The following SMG6 variants were observed in gnomAD, a reference collection of about 807,000 sequenced individuals.
The protein encoded by SMG6 is SMG6 nonsense mediated mRNA decay factor.
In SMG6, 66 loss-of-function variants were observed where a neutral mutation model predicts 142.2. The ratio of observed to expected loss-of-function variants is 0.46; its 90% CI spans 0.38 to 0.57. The LOEUF (loss-of-function observed/expected upper bound fraction) is 0.57, where lower values mean the gene tolerates loss of function less well. Ranked by LOEUF, SMG6 falls within the 20% of genes least tolerant of loss-of-function variation. SMG6 has a pLI of 0.00. For synonymous variants in SMG6, 779 were observed against 702.4 expected (o/e 1.11, Z -1.72); for missense variants, 1,793 against 1,832.0 (o/e 0.98, Z 0.39).
chr17:2,255,186 C>T (rs1444700502), intron 8 of SMG6, among the ~76,000 whole-genome samples: 1 of 151,518 alleles, frequency 6.6e-6, no homozygotes, highest in African/African-American at 2.4e-5. Context: ...GGGCGGATCA[C>T]GAGGTCAGGA....
Position 2,221,468 on chromosome 17 carries a change from A to G in SMG6, c.2869+15024T>C, listed in dbSNP as rs538696360. On this transcript the variant is annotated intron_variant, in intron 10 of 18. Transcript: ENST00000263073. ...TGTTTCCTGTACAGCCTGTGGAACT[A>G]TGAGCCAATTAAACTTCTTTTCTTT... Among the ~76,000 whole-genome samples, 8 of 152,298 alleles carry G rather than the reference A, an allele frequency of 5.3e-5. No individual in the cohort carries two copies. The South Asian group carries it at 1.7e-3, about 32-fold the overall frequency.
intron 10 of SMG6, among the ~76,000 whole-genome samples, chr17:2,196,885 G>A (rs571909591): frequency 1.3e-5 from 2 of 152,140 alleles, no homozygotes; most frequent in South Asian, 4.1e-4. Flanking sequence ...ATTAAAAGGA[G>A]GAATATCTTT....
chr17:2,063,238 T>C lies in SMG6; in HGVS notation c.4130-1616A>G, dbSNP rs937488890. The C allele has an allele frequency of 7.2e-5, 11 of 152,378 alleles. No homozygotes were observed. In the East Asian group the frequency reaches 9.6e-4, roughly 13 times the overall value. 9.4% of individuals were successfully genotyped at this position (152,378 alleles called of 1,614,324 possible). On this transcript the variant is annotated intron_variant, in intron 18 of 18. Transcript: ENST00000263073. ...TTTTTCACAATAAACATCCTCTGTT[T>C]TGACACTGGTAACTTCACTTTGTTA...
At chr17:2,283,573 C>T in intron 7 of SMG6, 52 bp downstream of exon 7, 1 of 1,436,642 alleles carries the variant, frequency 7.0e-7, no homozygotes, top group Non-Finnish European at 9.8e-7. Flanking sequence ...CACCAACACT[C>T]AGGGAAATGC....
At chr17:2,285,472 C>A (rs1176780463) in intron 6 of SMG6, among the ~76,000 whole-genome samples, 1 of 152,132 alleles carries the variant, frequency 6.6e-6, no homozygotes, top group Non-Finnish European at 1.5e-5. Context: ...TTGCAACATA[C>A]AAGATCAACA....
intron 13 of SMG6, among the ~76,000 whole-genome samples, chr17:2,163,560 C>A (rs1284827387): frequency 6.6e-6 from 1 of 152,130 alleles, no homozygotes; most frequent in Non-Finnish European, 1.5e-5. Flanking sequence ...AGCAACTTTG[C>A]TACATTTACT....
chr17:2,283,510 A>G (rs1321373352), intron 7 of SMG6, 115 bp downstream of exon 7: 1 of 798,806 alleles, frequency 1.3e-6, no homozygotes, highest in East Asian at 2.5e-5. Context: ...CAATAACTGC[A>G]CCTTGGATAA....
Position 2,117,730 on chromosome 17 carries a change from A to G in SMG6, c.3358-31829T>C, listed in dbSNP as rs575615075. 13 of 152,324 alleles carry G rather than the reference A, an allele frequency of 8.5e-5. No homozygotes were observed. The East Asian group carries it at 1.7e-3, about 20-fold the overall frequency. The allele number at this position is 152,324 out of a possible 1,614,324, so 9.4% of individuals were successfully genotyped here. A position where few individuals can be genotyped will look rare whatever the true frequency, so the allele number is the denominator to read the frequency against. ...TGATACGTAAATTAAACTTACTCCCATAAGGATTCTAGCGTTTGTCGTAAG... is the reference window on the plus strand; with the variant it reads ...TGATACGTAAATTAAACTTACTCCCGTAAGGATTCTAGCGTTTGTCGTAAG... On this transcript the variant is annotated intron_variant, in intron 13 of 18. Coordinates refer to ENST00000263073, the MANE Select transcript of SMG6 (RefSeq NM_017575.5).
At chr17:2,131,545 A>C (rs116785708) in intron 13 of SMG6, among the ~76,000 whole-genome samples, 1,555 of 152,098 alleles carry the variant, frequency 0.01, 31 homozygotes, top group African/African-American at 0.034. Flanking sequence ...TGATCTGCTC[A>C]CCTCGGTCTC....
chr17:2,185,687 G>C (rs1438850670), intron 12 of SMG6, among the ~76,000 whole-genome samples: 1 of 151,974 alleles, frequency 6.6e-6, no homozygotes, highest in Non-Finnish European at 1.5e-5. Flanking sequence ...ATGGTGAGAA[G>C]ACAGGGGATG....
In SMG6 at chr17:2,129,003, G is replaced by A. The variant is rs188643453; in HGVS notation, c.3358-43102C>T. Among the ~76,000 whole-genome samples the A allele has an allele frequency of 2.6e-5, 4 of 152,258 alleles. No individual in the cohort carries two copies. The East Asian group carries it at 7.7e-4, about 29-fold the overall frequency. On this transcript the variant is annotated intron_variant, in intron 13 of 18. Transcript: ENST00000263073. ...CAAGAATATGCTCATTTTGAAGTTT[G>A]GGAGAGTACACTGGACTATTTTAGG...
intron 8 of SMG6, among the ~76,000 whole-genome samples, chr17:2,270,907 T>C (rs1201804620): frequency 6.6e-6 from 1 of 152,230 alleles, no homozygotes; most frequent in Non-Finnish European, 1.5e-5. Context: ...TAACATTTCT[T>C]GAACTCTCTA....
chr17:2,302,125 G>C (rs1434877003), intron 1 of SMG6, among the ~76,000 whole-genome samples: 1 of 151,932 alleles, frequency 6.6e-6, no homozygotes, highest in Non-Finnish European at 1.5e-5. Flanking sequence ...TGGTGGTGCA[G>C]GTCTGTAATT....
chr17:2,185,535 C>T (rs1051193440), intron 12 of SMG6, among the ~76,000 whole-genome samples: 4 of 140,040 alleles, frequency 2.9e-5, no homozygotes, highest in Non-Finnish European at 6.1e-5. Flanking sequence ...AACACATAAA[C>T]TGATCTACGT....
At chr17:2,255,211 T>C (rs1013883554) in intron 8 of SMG6, among the ~76,000 whole-genome samples, 2 of 151,484 alleles carry the variant, frequency 1.3e-5, no homozygotes, top group African/African-American at 4.9e-5. Context: ...GAGACCATCC[T>C]GGCTAACACG....
intron 13 of SMG6, among the ~76,000 whole-genome samples, chr17:2,126,659 T>G (rs1181306872): frequency 6.9e-6 from 1 of 144,612 alleles, no homozygotes; most frequent in Non-Finnish European, 1.5e-5. Flanking sequence ...GAGGTTGCAG[T>G]GAGCCAAGAT....
intron 8 of SMG6, among the ~76,000 whole-genome samples, chr17:2,272,555 G>A (rs1484265513): frequency 6.6e-6 from 1 of 152,176 alleles, no homozygotes; most frequent in African/African-American, 2.4e-5. Flanking sequence ...GCACAGAGCA[G>A]CACAAAATTT....
At chr17:2,238,278 G>A (rs938890368) in intron 9 of SMG6, among the ~76,000 whole-genome samples, 1 of 152,054 alleles carries the variant, frequency 6.6e-6, no homozygotes, top group African/African-American at 2.4e-5. Flanking sequence ...CATTTTCATT[G>A]GCACAAAAGA....
intron 8 of SMG6, among the ~76,000 whole-genome samples, chr17:2,266,523 T>G (rs779448147): frequency 6.6e-6 from 1 of 152,156 alleles, no homozygotes; most frequent in Non-Finnish European, 1.5e-5. Flanking sequence ...GTTTCTTCAG[T>G]GTGGAAGCTG....
Sources: gnomAD v4.1 joint callset for allele counts (sites outside exome capture counted in the v4.1 genomes callset) on GRCh38, gnomAD v4.1.1 for gene constraint, MANE v1.5 for transcripts, NCBI Gene and HGNC (gene_info 2026-07-23, HGNC 2026-07-21) for gene names.